CR2: variants seen among roughly 807,000 people sequenced by gnomAD.
CR2 encodes complement receptor type 2.
CR2 carries 96 observed loss-of-function variants against 123.0 expected under a neutral mutation model. The ratio of observed to expected loss-of-function variants is 0.78; its 90% CI spans 0.66 to 0.93. The LOEUF (loss-of-function observed/expected upper bound fraction) is 0.93. Ranked by LOEUF, CR2 falls within the 40% of genes least tolerant of loss-of-function variation. CR2 has a pLI of 0.00. For missense variants in CR2, 1,258 were observed against 1,361.0 expected, an observed-to-expected ratio of 0.92 and a Z score of 1.19; for synonymous variants, 484 against 469.5, an observed-to-expected ratio of 1.03 and a Z score of -0.40.
At position 207,469,883 on chromosome 1, in the gene CR2, A is replaced by C; in HGVS notation, c.1006A>C (p.Ser336Arg). Residue 336 changes from serine to arginine, a missense_variant, in exon 6 of 20, where the codon AGT becomes CGT. By Grantham distance (110) the Ser-to-Arg change is moderately radical (BLOSUM62 -1). Coordinates refer to ENST00000367057, the MANE Select transcript of CR2 (RefSeq NM_001006658.3). Reference sequence around the variant, plus strand: ...TGATAGTCAGAAGACTGGGACCTGGAGTGGCCCTGCCCCACGCTGTGAACT... The same window carrying C: ...TGATAGTCAGAAGACTGGGACCTGGCGTGGCCCTGCCCCACGCTGTGAACT... ...TVDSQKTGTW[S>R]GPAPRCELST... 10 of 1,613,980 alleles carry C rather than the reference A, an allele frequency of 6.2e-6. No individual in the cohort carries two copies. Among genetic ancestry groups the C allele is most frequent in the Non-Finnish European group, 8.5e-6 (10 of 1,179,948 alleles).
chr1:207,468,949 C>T (rs1189876983), intron 4 of CR2, 50 bp downstream of exon 4: 9 of 1,583,498 alleles, frequency 5.7e-6, no homozygotes, highest in Non-Finnish European at 7.8e-6. Flanking sequence ...CTTGTGTGTG[C>T]GTGGTGTGGA....
intron 1 of CR2, among the ~76,000 whole-genome samples, chr1:207,455,349 GT>G (rs1657807377): frequency 6.6e-6 from 1 of 152,198 alleles, no homozygotes; most frequent in Non-Finnish European, 1.5e-5. Flanking sequence ...TTCTTCATCT[GT>G]AAAATGAAAC....
intron 18 of CR2, 21 bp from the exon 19 acceptor site, chr1:207,485,443 T>A (rs1658722468): frequency 6.8e-7 from 1 of 1,468,692 alleles, no homozygotes; most frequent in Non-Finnish European, 9.5e-7. Context: ...ATATTACATT[T>A]TTCTTTCTTC....
chr1:207,466,919 A>T lies in CR2; in HGVS notation c.445+7A>T. 1.9e-6 allele frequency: 3 copies of T among 1,574,640 alleles called. No homozygotes were observed. The highest frequency in any genetic ancestry group is 2.6e-6 in the Non-Finnish European group (3 of 1,163,462). On this transcript the variant is annotated splice_region_variant and intron_variant, in intron 2 of 19. Transcript: ENST00000367057. Reference sequence around the variant, plus strand: ...CTACCAACCTGTGTAAGTGGTGAGTATGAAAAGAAAGCTGGGTTGGGAGGT... The same window carrying T: ...CTACCAACCTGTGTAAGTGGTGAGTTTGAAAAGAAAGCTGGGTTGGGAGGT...
intron 17 of CR2, 21 bp downstream of exon 17, chr1:207,479,301 G>T: frequency 6.4e-7 from 1 of 1,558,868 alleles, no homozygotes; most frequent in South Asian, 1.1e-5. Flanking sequence ...TTAAATACTT[G>T]AAGAAAAGCT....
chr1:207,473,838 T>G lies in CR2; in HGVS notation c.2193T>G (p.Leu731=). 1 of 1,613,990 alleles carries G rather than the reference T, an allele frequency of 6.2e-7. No individual in the cohort carries two copies. Among genetic ancestry groups the G allele is most frequent in the Non-Finnish European group, 8.5e-7 (1 of 1,179,904 alleles). The change falls in exon 12 of 20, where the codon CTT becomes CTG. Residue 731 remains leucine, a synonymous_variant. Coordinates refer to ENST00000367057, the MANE Select transcript of CR2 (RefSeq NM_001006658.3). ...CQHVRQSLQE[L]PAGSRVELVN... is the part of the protein sequence containing the mutation. ...ATGTGAGACAGAGTCTTCAAGAACTTCCAGCTGGTTCACGTGTGGAGCTAG... is the reference window on the plus strand; with the variant it reads ...ATGTGAGACAGAGTCTTCAAGAACTGCCAGCTGGTTCACGTGTGGAGCTAG...
At chr1:207,480,513 T>C (rs1558197078) in intron 18 of CR2, among the ~76,000 whole-genome samples, 1 of 152,174 alleles carries the variant, frequency 6.6e-6, no homozygotes, top group African/African-American at 2.4e-5. Context: ...ATATATGTAT[T>C]TATGTGTTTT....
Position 207,469,955 on chromosome 1 carries a change from C to T in CR2, c.1078C>T (p.Arg360Ter), listed in dbSNP as rs772481080. ...TCCACATCCCCAGATCCTAAGAGGC[C>T]GAATGGTATCTGGGCAGAAAGATCG... ...QCPHPQILRGRMVSGQKDRYT... is the reference protein window; with the variant it reads ...QCPHPQILRG Residue 360 changes from arginine (R) to a stop codon, truncating the protein, a stop_gained, in exon 6 of 20, where the codon CGA (arginine) becomes TGA (stop). Coordinates refer to ENST00000367057, the MANE Select transcript of CR2 (RefSeq NM_001006658.3). LOFTEE classifies it high-confidence loss of function. 1.2e-5 allele frequency: 19 copies of T among 1,613,762 alleles called. No homozygotes were observed. The Admixed American group carries it at 2.3e-4, about 20-fold the overall frequency.
intron 18 of CR2, among the ~76,000 whole-genome samples, chr1:207,483,118 G>A (rs893273362): frequency 1.3e-5 from 2 of 152,104 alleles, no homozygotes; most frequent in East Asian, 1.9e-4. Context: ...GTGTTAGGGC[G>A]GATAATCCAA....
chr1:207,471,332 C>A, intron 8 of CR2, 91 bp from the exon 9 acceptor site: 1 of 1,065,798 alleles, frequency 9.4e-7, no homozygotes, highest in Non-Finnish European at 1.5e-6. Context: ...GCTTCTTGGC[C>A]TGAAAGTAGT....
chr1:207,476,167 C>T (rs1287522930), intron 14 of CR2, 67 bp from the exon 15 acceptor site: 6 of 1,477,226 alleles, frequency 4.1e-6, no homozygotes, highest in Non-Finnish European at 5.7e-6. Context: ...TCGCTATCAC[C>T]CAGAGATAGT....
chr1:207,467,983 C>T (rs1350947394), intron 2 of CR2, among the ~76,000 whole-genome samples: 1 of 151,406 alleles, frequency 6.6e-6, no homozygotes, highest in Non-Finnish European at 1.5e-5. Flanking sequence ...AGAGAATAAG[C>T]TTAAGGATAG....
At chr1:207,469,438 C>A (rs1198224139) in intron 5 of CR2, among the ~76,000 whole-genome samples, 2 of 152,110 alleles carry the variant, frequency 1.3e-5, no homozygotes, top group Non-Finnish European at 2.9e-5. Context: ...GCTATGCAGA[C>A]CTTCTAAGTA....
In CR2 at chr1:207,473,328, T is replaced by C. The variant is rs892487874; in HGVS notation, c.1978+149T>C. On this transcript the variant is annotated intron_variant, in intron 10 of 19. Coordinates refer to ENST00000367057, the MANE Select transcript of CR2 (RefSeq NM_001006658.3). ...ATCCTATAATAGATGTTCTCTGTGT[T>C]GTGTGTGTGCATGCAAATGCCCCCT... 6.8e-5 allele frequency: 76 copies of C among 1,118,474 alleles called. 1 individual carries two copies. Among genetic ancestry groups the C allele is most frequent in the Non-Finnish European group, 9.3e-5 (72 of 772,168 alleles). 69.3% of individuals were successfully genotyped at this position (1,118,474 alleles called of 1,614,324 possible).
chr1:207,486,230 C>CA (rs1173937738), intron 19 of CR2, among the ~76,000 whole-genome samples: 2,050 of 42,946 alleles, frequency 0.048, 299 homozygotes, highest in African/African-American at 0.097. Context: ...GACTGCATCT[C>CA]AAAAAAAAAA....
At position 207,473,860 on chromosome 1, in the gene CR2, C is replaced by G; in HGVS notation, c.2215C>G (p.Leu739Val). 6.2e-7 allele frequency: 1 copy of G among 1,613,864 alleles called. No individual in the cohort carries two copies. The stretch of plus-strand genomic sequence containing the variant: ...ACTTCCAGCTGGTTCACGTGTGGAG[C>G]TAGTTAATACGTCCTGCCAAGATGG... ...QELPAGSRVE[L>V]VNTSCQDGYQ... The change falls in exon 12 of 20, where the codon CTA becomes GTA. Residue 739 changes from leucine to valine, a missense_variant. Coordinates refer to ENST00000367057, the MANE Select transcript of CR2 (RefSeq NM_001006658.3).
chr1:207,471,556 G>A, intron 9 of CR2, 57 bp downstream of exon 9: 1 of 1,277,688 alleles, frequency 7.8e-7, no homozygotes, highest in Non-Finnish European at 1.1e-6. Flanking sequence ...ACATTTCCTG[G>A]GAGATTTTTG....
chr1:207,488,065 G>A (rs1330988976), intron 19 of CR2, among the ~76,000 whole-genome samples: 2 of 152,226 alleles, frequency 1.3e-5, no homozygotes, highest in Admixed American at 6.5e-5. Flanking sequence ...CAGGCCACAT[G>A]AGATGTGCAC....
At chr1:207,488,838 T>G (rs1658816802) in intron 19 of CR2, among the ~76,000 whole-genome samples, 1 of 152,142 alleles carries the variant, frequency 6.6e-6, no homozygotes, top group African/African-American at 2.4e-5. Context: ...CCAGTTGAGG[T>G]ACAGAGTACA....
Sources: gnomAD v4.1 joint callset for allele counts (sites outside exome capture counted in the v4.1 genomes callset) on GRCh38, gnomAD v4.1.1 for gene constraint, MANE v1.5 for transcripts, NCBI Gene and HGNC (gene_info 2026-07-23, HGNC 2026-07-21) for gene names.